MROH9: variants seen among roughly 807,000 people sequenced by gnomAD.
The protein encoded by MROH9 is maestro heat like repeat family member 9, also known as maestro heat-like repeat-containing protein family member 9.
A neutral mutation model predicts 98.2 loss-of-function variants in MROH9; 92 were observed. The observed-to-expected ratio is 0.94, with a 90% CI of 0.79 to 1.11. The LOEUF is 1.11. Ranked by LOEUF, MROH9 falls within the 50% of genes most tolerant of loss-of-function variation. MROH9 has a pLI of 0.00. For synonymous variants in MROH9, 397 were observed against 368.9 expected (o/e 1.08, Z -0.87); for missense variants, 1,057 against 1,014.8 (o/e 1.04, Z -0.57).
intron 1 of MROH9, among the ~76,000 whole-genome samples, chr1:170,943,393 T>C (rs1167064188): frequency 6.6e-6 from 1 of 151,826 alleles, no homozygotes; most frequent in Non-Finnish European, 1.5e-5. Flanking sequence ...AGAAAGACTT[T>C]AGAAATGAGA....
chr1:170,974,814 GATA>G (rs1650619544), intron 8 of MROH9, among the ~76,000 whole-genome samples: 3 of 151,762 alleles, frequency 2.0e-5, no homozygotes, highest in Admixed American at 2.0e-4. Flanking sequence ...ACTCTTTAAA[GATA>G]ATAACAAAAG....
chr1:171,053,532 T>G (rs116646316), intron 20 of MROH9, among the ~76,000 whole-genome samples: 1 of 152,136 alleles, frequency 6.6e-6, no homozygotes, highest in Admixed American at 6.6e-5. Context: ...GACTCAAATT[T>G]TCTACACACA....
intron 15 of MROH9, among the ~76,000 whole-genome samples, chr1:171,010,518 C>T (rs919480340): frequency 6.6e-5 from 10 of 152,150 alleles, no homozygotes; most frequent in African/African-American, 2.4e-4. Context: ...CCACAGTCTT[C>T]CACAATGGTT....
intron 1 of MROH9, among the ~76,000 whole-genome samples, chr1:170,938,812 GGTAGCTGGCT>G (rs1427030073): frequency 3.3e-5 from 5 of 152,210 alleles, no homozygotes; most frequent in Non-Finnish European, 7.3e-5. Flanking sequence ...GCTGCCACCA[GGTAGCTGGCT>G]GATCACTCTG....
intron 12 of MROH9, among the ~76,000 whole-genome samples, chr1:170,993,951 T>C (rs886950165): frequency 1.4e-4 from 21 of 152,236 alleles, no homozygotes; most frequent in Non-Finnish European, 2.4e-4. Flanking sequence ...ATACTACATA[T>C]TTCATTTCCT....
intron 1 of MROH9, among the ~76,000 whole-genome samples, chr1:170,935,837 C>CA (rs1291844911): frequency 2.0e-5 from 3 of 151,548 alleles, no homozygotes; most frequent in Admixed American, 6.6e-5. Context: ...ACTAAAAATA[C>CA]AAAAATTAGC....
At chr1:170,971,002 C>T (rs1305098056) in intron 7 of MROH9, among the ~76,000 whole-genome samples, 15 of 152,156 alleles carry the variant, frequency 9.9e-5, no homozygotes, top group Admixed American at 9.8e-4. Flanking sequence ...CAGAGCCCTT[C>T]TTTGTCTAAA....
rs567159069 is a variant in MROH9, at chr1:170,995,169, G to A, written c.1195-220G>A. On this transcript the variant is annotated intron_variant, in intron 12 of 21. Transcript: ENST00000367759. ...TTGTCATCCAGGGTGTTTGTATAGT[G>A]CCTTAAGAGTTCCTTACCGTAGTAG... is the stretch of plus-strand genomic sequence containing the variant. Among the ~76,000 whole-genome samples, 15 of 152,224 alleles carry A rather than the reference G, an allele frequency of 9.9e-5. No individual in the cohort carries two copies. The East Asian group carries it at 2.9e-3, about 29-fold the overall frequency.
intron 20 of MROH9, among the ~76,000 whole-genome samples, chr1:171,049,687 CTT>C (rs532764931): frequency 2.8e-5 from 4 of 144,640 alleles, no homozygotes; most frequent in African/African-American, 2.5e-5. Context: ...TTTCTTTTTT[CTT>C]TTTTTTTTTT....
chr1:171,008,800 C>T (rs1433088080), intron 15 of MROH9, among the ~76,000 whole-genome samples: 1 of 152,118 alleles, frequency 6.6e-6, no homozygotes, highest in African/African-American at 2.4e-5. Flanking sequence ...TCTCTTTGTA[C>T]TGATGCAGAG....
intron 20 of MROH9, among the ~76,000 whole-genome samples, chr1:171,040,633 C>G (rs577682140): frequency 3.3e-5 from 5 of 152,194 alleles, no homozygotes; most frequent in African/African-American, 1.2e-4. Flanking sequence ...AGCCATGTGA[C>G]CTTTACCAAG....
chr1:170,995,047 G>T (rs532963718), intron 12 of MROH9, among the ~76,000 whole-genome samples: 1 of 152,010 alleles, frequency 6.6e-6, no homozygotes, highest in African/African-American at 2.4e-5. Flanking sequence ...AGCACAGGTA[G>T]GACCTAGGTT....
rs747778884 is a variant in MROH9 at position 170,996,512 on chromosome 1, C to G, written c.1343C>G (p.Ala448Gly). 1 of 1,613,042 alleles carries G rather than the reference C, an allele frequency of 6.2e-7. No individual in the cohort carries two copies. The highest frequency in any genetic ancestry group is 1.1e-5 in the South Asian group (1 of 90,954). Reference protein sequence around the residue: ...KPILKDRALYAQDALRVLLNC... With the variant: ...KPILKDRALYGQDALRVLLNC... ...GCTCTCTTTTGGGGCTTTAGGTATG[C>G]CCAGGATGCCCTGAGAGTTCTGCTG... Residue 448 changes from alanine (A) to glycine (G), a missense_variant, in exon 14 of 22, where the codon GCC becomes GGC. Transcript: ENST00000367759.
At chr1:171,035,952 A>G (rs904551359) in intron 20 of MROH9, among the ~76,000 whole-genome samples, 2 of 152,188 alleles carry the variant, frequency 1.3e-5, no homozygotes, top group African/African-American at 2.4e-5. Flanking sequence ...AAAGATATGT[A>G]CTAGAATATT....
chr1:171,022,397 C>A (rs1382094455), intron 17 of MROH9, among the ~76,000 whole-genome samples: 1 of 152,088 alleles, frequency 6.6e-6, no homozygotes, highest in African/African-American at 2.4e-5. Context: ...TATATATACA[C>A]CGTGGACTAC....
At chr1:171,051,905 G>T (rs1653680286) in intron 20 of MROH9, among the ~76,000 whole-genome samples, 1 of 152,152 alleles carries the variant, frequency 6.6e-6, no homozygotes, top group African/African-American at 2.4e-5. Flanking sequence ...TTTGTTTTGT[G>T]CCTTTGCCAT....
chr1:170,992,264 A>G lies in MROH9; in HGVS notation c.1129A>G (p.Met377Val). The change falls in exon 12 of 22, where the codon ATG becomes GTG. Residue 377 changes from methionine (M) to valine (V), a missense_variant. Physicochemically the swap from Met to Val is conservative, Grantham distance 21. Coordinates refer to ENST00000367759, the MANE Select transcript of MROH9 (RefSeq NM_001163629.2). Reference sequence around the variant, plus strand: ...GATACTGAAAGGAAAGCCTGGGGAAATGGAGGACACCGTAACGGAAGGGAA... The same window carrying G: ...GATACTGAAAGGAAAGCCTGGGGAAGTGGAGGACACCGTAACGGAAGGGAA... ...LLILKGKPGE[M>V]EDTVTEGKRF... The G allele has an allele frequency of 6.2e-7, 1 of 1,613,638 alleles. No individual in the cohort carries two copies. The highest frequency in any genetic ancestry group is 1.1e-5 in the South Asian group (1 of 91,066).
At chr1:171,036,981 G>A (rs1653120762) in intron 20 of MROH9, among the ~76,000 whole-genome samples, 1 of 151,768 alleles carries the variant, frequency 6.6e-6, no homozygotes, top group Admixed American at 6.6e-5. Flanking sequence ...TATCTAGAAG[G>A]AGGGGGAGGA....
chr1:170,980,015 G>A (rs1390646328), intron 8 of MROH9, among the ~76,000 whole-genome samples: 6 of 151,976 alleles, frequency 3.9e-5, no homozygotes, highest in Admixed American at 3.9e-4. Flanking sequence ...AAATACCTAG[G>A]AATACAGCTA....
Sources: allele counts gnomAD v4.1 joint callset (sites outside exome capture counted in the v4.1 genomes callset), GRCh38; gene constraint gnomAD v4.1.1; transcripts MANE v1.5; gene names NCBI Gene and HGNC (gene_info 2026-07-23, HGNC 2026-07-21).